The following EP400 variants were observed in gnomAD, a reference collection of about 807,000 sequenced individuals.
EP400 encodes the protein E1A-binding protein p400.
Under a neutral mutation model 354.1 loss-of-function variants are expected in EP400, and 105 were observed. That is an observed-to-expected ratio of 0.30 (90% confidence interval 0.25 to 0.35). EP400 has a LOEUF of 0.35. EP400 is among the 10% of genes least tolerant of loss of function. The pLI, the probability that EP400 is intolerant of heterozygous loss-of-function variation, is 1.00. For missense variants in EP400, 3,280 were observed against 4,121.0 expected (o/e 0.80, Z 5.59); for synonymous variants, 1,646 against 1,716.9 (o/e 0.96, Z 1.02).
chr12:132,045,899 A>G lies in EP400; in HGVS notation c.7199A>G (p.Lys2400Arg). 3.1e-6 allele frequency: 5 copies of G among 1,614,160 alleles called. No individual in the cohort carries two copies. Among genetic ancestry groups the G allele is most frequent in the Non-Finnish European group, 4.2e-6 (5 of 1,180,006 alleles). ...GTCATCATTCCACGAGAGGAGGGGA[A>G]GGTAAGCACGGTCTCGTTTGTCCTT... ...ENVIIPREEG[K>R]SKNNRPLRTS... The change falls in exon 39 of 53, where the codon AAG becomes AGG. Residue 2400 changes from lysine to arginine, a missense_variant and splice_region_variant. Physicochemically the swap from Lys to Arg is conservative, Grantham distance 26 (BLOSUM62 2). Coordinates refer to ENST00000389561, the MANE Select transcript of EP400 (RefSeq NM_015409.5).
chr12:131,972,158 C>T (rs11834822), intron 2 of EP400, among the ~76,000 whole-genome samples: 247 of 110,236 alleles, frequency 2.2e-3, no homozygotes, highest in Non-Finnish European at 2.9e-3. Context: ...TTTTCTTTTT[C>T]TTTTTTTTTT....
At position 131,990,708 on chromosome 12, in the gene EP400, A is replaced by C. The variant is rs1172582742; in HGVS notation, c.2623A>C (p.Arg875=). Residue 875 remains arginine, a synonymous_variant, in exon 9 of 53, where the codon AGG becomes CGG. Coordinates refer to ENST00000389561, the MANE Select transcript of EP400 (RefSeq NM_015409.5). The surrounding 1 kb of genome is among the most constrained non-coding windows in gnomAD (Gnocchi z 4.2). ...GGCCTTAAATTTACAGAAAGTTTCC[A>C]GGAGAGGTAGGACCCTTTAAAAAAA... ...KKALNLQKVS[R]RGKELRPKGF... is the part of the protein sequence containing the mutation. 6.2e-7 allele frequency: 1 copy of C among 1,610,390 alleles called. No individual in the cohort carries two copies. Among genetic ancestry groups the C allele is most frequent in the South Asian group, 1.1e-5 (1 of 90,626 alleles).
At chr12:131,976,881 TTTTCC>T (rs1892494697) in intron 2 of EP400, among the ~76,000 whole-genome samples, 1 of 152,176 alleles carries the variant, frequency 6.6e-6, no homozygotes, top group Non-Finnish European at 1.5e-5. Flanking sequence ...GGCCTCCTCC[TTTTCC>T]ATCTGTCTCT....
At position 132,013,774 on chromosome 12, in the gene EP400, C is replaced by T. The variant is rs1278033363; in HGVS notation, c.3787-3C>T. ...GAAAACAGTAAACAGTTTTTATTTT[C>T]AGGTGACACAGCCATTTATTTTGAG... is the stretch of plus-strand genomic sequence containing the variant. On this transcript the variant is annotated splice_region_variant and splice_polypyrimidine_tract_variant and intron_variant, in intron 18 of 52. Coordinates refer to ENST00000389561, the MANE Select transcript of EP400 (RefSeq NM_015409.5). This position sits in a 1 kb window ranked among gnomAD's most constrained non-coding sequence, Gnocchi z 4.5. 1 of 1,612,394 alleles carries T rather than the reference C, an allele frequency of 6.2e-7. No homozygotes were observed. The highest frequency in any genetic ancestry group is 8.5e-7 in the Non-Finnish European group (1 of 1,179,536).
Position 132,069,591 on chromosome 12 carries a change from T to C in EP400, c.8971T>C (p.Ser2991Pro). ...GACCCAGTTTCTTACCACACCCATC[T>C]CCCAGGCCCAGAAACTGGCCGGGGC... ...LKTQFLTTPI[S>P]QAQKLAGAQQ... Residue 2991 changes from serine to proline, a missense_variant, in exon 51 of 53, where the codon TCC (serine) becomes CCC (proline). Physicochemically the swap from Ser to Pro is moderately conservative, Grantham distance 74 (BLOSUM62 -1). This residue lies in a region of EP400 where 279 missense variants were observed against 386.7 expected (regional missense o/e 0.72). Coordinates refer to ENST00000389561, the MANE Select transcript of EP400 (RefSeq NM_015409.5). 6.2e-7 allele frequency: 1 copy of C among 1,614,190 alleles called. No individual in the cohort carries two copies. The highest frequency in any genetic ancestry group is 1.1e-5 in the South Asian group (1 of 91,078).
intron 1 of EP400, among the ~76,000 whole-genome samples, chr12:131,950,916 T>C (rs556540166): frequency 5.9e-5 from 9 of 151,340 alleles, no homozygotes; most frequent in African/African-American, 2.2e-4. Flanking sequence ...TTATTTTCTT[T>C]TGAGAAAGAG....
At chr12:131,956,017 T>C (rs562387333) in intron 1 of EP400, among the ~76,000 whole-genome samples, 8 of 152,324 alleles carry the variant, frequency 5.3e-5, no homozygotes, top group Non-Finnish European at 1.0e-4. Flanking sequence ...GCTACGGTTC[T>C]TTACTTCCCC....
Position 132,029,820 on chromosome 12 carries a change from C to T in EP400, c.5501C>T (p.Ala1834Val), listed in dbSNP as rs776244515. 1.2e-5 allele frequency: 19 copies of T among 1,613,232 alleles called. No homozygotes were observed. In the African/African-American group the frequency reaches 1.2e-4, roughly 10 times the overall value. The change falls in exon 28 of 53, where the codon GCG becomes GTG. Residue 1834 changes from alanine to valine, a missense_variant. This residue lies in a region of EP400 where 459 missense variants were observed against 496.9 expected (regional missense o/e 0.92). Coordinates refer to ENST00000389561, the MANE Select transcript of EP400 (RefSeq NM_015409.5). This position sits in a 1 kb window ranked among gnomAD's most constrained non-coding sequence, Gnocchi z 4.7. ...ILRQGLREHAAPYFQQLRQTT... is the reference protein window; with the variant it reads ...ILRQGLREHAVPYFQQLRQTT... ...AGGCAGGGCCTGAGAGAGCACGCTGCGCCGTACTTCCAGCAGCTGCGGCAG... is the reference window on the plus strand; with the variant it reads ...AGGCAGGGCCTGAGAGAGCACGCTGTGCCGTACTTCCAGCAGCTGCGGCAG...
chr12:132,006,350 G>A, intron 14 of EP400, 48 bp downstream of exon 14: 1 of 1,583,522 alleles, frequency 6.3e-7, no homozygotes, highest in African/African-American at 1.3e-5. Context: ...GAGAGACAGA[G>A]CACATAGCTT....
chr12:132,063,211 C>G (rs1895765491), intron 47 of EP400, among the ~76,000 whole-genome samples: 1 of 152,222 alleles, frequency 6.6e-6, no homozygotes, highest in African/African-American at 2.4e-5. Flanking sequence ...TAAATATATT[C>G]ATTTTCAAAG....
rs913709941 is a variant in EP400, at chr12:132,021,305, C to T, written c.4674C>T (p.Ala1558=). ...AGAGGCTGGTGCTCCCCTCGCAGGC[C>T]CAGGCCCGCTTGCCCAGTAAGTGGC... ...LPQRLVLPSQ[A]QARLPSGEVV... is the part of the protein sequence containing the mutation. Residue 1558 remains alanine (A), a synonymous_variant, in exon 23 of 53, where the codon GCC becomes GCT. Transcript: ENST00000389561. 3.3e-6 allele frequency: 5 copies of T among 1,521,984 alleles called. No homozygotes were observed. The highest frequency in any genetic ancestry group is 2.3e-4 in the Middle Eastern group (1 of 4,310). 94.3% of individuals were successfully genotyped at this position (1,521,984 alleles called of 1,614,324 possible). A position where few individuals can be genotyped will look rare whatever the true frequency, so the allele number is the denominator to read the frequency against.
intron 7 of EP400, among the ~76,000 whole-genome samples, chr12:131,988,810 A>T (rs1243980438): frequency 6.6e-6 from 1 of 151,608 alleles, no homozygotes; most frequent in Non-Finnish European, 1.5e-5. Flanking sequence ...CTTTGTTCAT[A>T]TTTTCTGTAC....
intron 2 of EP400, among the ~76,000 whole-genome samples, chr12:131,973,833 A>G (rs1295962362): frequency 1.3e-5 from 2 of 152,150 alleles, no homozygotes; most frequent in South Asian, 2.1e-4. Context: ...AAAAAATACT[A>G]CTAATATTAT....
At position 132,029,584 on chromosome 12, in the gene EP400, C is replaced by A. The variant is rs1593358335; in HGVS notation, c.5382-117C>A. On this transcript the variant is annotated intron_variant, in intron 27 of 52. Coordinates refer to ENST00000389561, the MANE Select transcript of EP400 (RefSeq NM_015409.5). The surrounding 1 kb of genome is among the most constrained non-coding windows in gnomAD (Gnocchi z 4.7). ...CACATCCCCATGTGACTGGGTTGAG[C>A]CCTGCTGTTTCCTGGGACTTGGACT... 4.3e-6 allele frequency: 5 copies of A among 1,165,260 alleles called. No homozygotes were observed. In the South Asian group the frequency reaches 7.1e-5, roughly 17 times the overall value. 72.2% of individuals were successfully genotyped at this position (1,165,260 alleles called of 1,614,324 possible).
At chr12:131,992,078 G>T in intron 10 of EP400, 95 bp from the exon 11 acceptor site, 1 of 1,380,606 alleles carries the variant, frequency 7.2e-7, no homozygotes, top group Non-Finnish European at 1.0e-6. Context: ...CTTGCCCCGG[G>T]GCTCCCCCAA....
chr12:131,972,123 G>C (rs1455150496), intron 2 of EP400, among the ~76,000 whole-genome samples: 1 of 151,296 alleles, frequency 6.6e-6, no homozygotes, highest in Non-Finnish European at 1.5e-5. Context: ...AAAATTCAGC[G>C]TGAGTTTTAT....
chr12:132,072,590 T>G (rs1896098212), intron 51 of EP400, among the ~76,000 whole-genome samples: 1 of 152,210 alleles, frequency 6.6e-6, no homozygotes, highest in East Asian at 1.9e-4. Flanking sequence ...ATACAGTCAG[T>G]TTTAAAAAAT....
rs139925265 is a variant in EP400 at position 131,955,368 on chromosome 12, C to T, written c.-35-5217C>T. On this transcript the variant is annotated intron_variant, in intron 1 of 52. Coordinates refer to ENST00000389561, the MANE Select transcript of EP400 (RefSeq NM_015409.5). Reference sequence around the variant, plus strand: ...TGTGATCTTGGCTTACTGCAACCTCCGCCTCCTGGGTTCAAGCAATTCTCT... The same window carrying T: ...TGTGATCTTGGCTTACTGCAACCTCTGCCTCCTGGGTTCAAGCAATTCTCT... 7.1e-3 allele frequency among the ~76,000 whole-genome samples: 1,081 copies of T among 152,132 alleles called. 35 individuals carry two copies. In the South Asian group the frequency reaches 0.093, roughly 13 times the overall value.
chr12:131,982,122 C>A lies in EP400; in HGVS notation c.1573C>A (p.Gln525Lys), dbSNP rs774285552. The A allele has an allele frequency of 1.3e-6, 2 of 1,549,692 alleles. No homozygotes were observed. Among genetic ancestry groups the A allele is most frequent in the East Asian group, 4.5e-5 (2 of 44,066 alleles). Residue 525 changes from glutamine (Q) to lysine (K), a missense_variant, in exon 5 of 53, where the codon CAG becomes AAG. This residue lies in a region of EP400 where 800 missense variants were observed against 840.0 expected (regional missense o/e 0.95). Transcript: ENST00000389561. ...AATGCCCCCCACGCCGCAGGCCGCG[C>A]AGCTCGCTGGACAGAGGCAGAGTCA... ...GGMPPTPQAAQLAGQRQSQQQ... is the reference protein window; with the variant it reads ...GGMPPTPQAAKLAGQRQSQQQ...
Sources: gnomAD v4.1 joint callset for allele counts (sites outside exome capture counted in the v4.1 genomes callset) on GRCh38, gnomAD v4.1.1 for gene constraint, gnomAD v4.1.1 regional missense constraint, Gnocchi (gnomAD v3.1) non-coding constraint, MANE v1.5 for transcripts, NCBI Gene and HGNC (gene_info 2026-07-23, HGNC 2026-07-21) for gene names.